FLRT2: variants seen among roughly 807,000 people sequenced by gnomAD.
FLRT2 encodes the protein leucine-rich repeat transmembrane protein FLRT2.
A neutral mutation model predicts 40.0 loss-of-function variants in FLRT2; 15 were observed. The ratio of observed to expected loss-of-function variants is 0.38; its 90% CI spans 0.25 to 0.58. FLRT2 has a LOEUF of 0.58. Among genes scored for constraint, FLRT2 ranks in the 20% least tolerant of loss-of-function variants. FLRT2 has a pLI of 0.71. For missense variants in FLRT2, 726 were observed against 840.0 expected, an observed-to-expected ratio of 0.86 and a Z score of 1.68; for synonymous variants, 380 against 336.8, an observed-to-expected ratio of 1.13 and a Z score of -1.41.
At chr14:85,600,549 G>A (rs1892339577) in intron 1 of FLRT2, among the ~76,000 whole-genome samples, 1 of 152,172 alleles carries the variant, frequency 6.6e-6, no homozygotes, top group Non-Finnish European at 1.5e-5. Context: ...GTTAGAGCTT[G>A]GGGAAAATAA....
In FLRT2 at chr14:85,653,970, T is replaced by C. The variant is rs966922808; in HGVS notation, c.*30473T>C. The C allele has an allele frequency of 1.3e-5, 2 of 152,214 alleles. No homozygotes were observed. Among genetic ancestry groups the C allele is most frequent in the African/African-American group, 4.8e-5 (2 of 41,460 alleles). The allele number at this position is 152,214 out of a possible 1,614,324, so 9.4% of individuals were successfully genotyped here. A position where few individuals can be genotyped will look rare whatever the true frequency, so the allele number is the denominator to read the frequency against. On this transcript the variant is annotated 3_prime_UTR_variant, in exon 2 of 2. Transcript: ENST00000330753. ...CTAACAGTACATGATTCCTAAATGC[T>C]ATTGCTCACCTCAAGTCAATGTCAC...
At chr14:85,610,099 T>C (rs1892794019) in intron 1 of FLRT2, among the ~76,000 whole-genome samples, 1 of 152,196 alleles carries the variant, frequency 6.6e-6, no homozygotes, top group Admixed American at 6.5e-5. Context: ...ATTAATTACA[T>C]GGCTGTCTTT....
rs1894204816 is a variant in FLRT2 at position 85,643,333 on chromosome 14, TTCTTTCTTTCTTTCTTTCTTTC to T, written c.*19838_*19859del. The T allele has an allele frequency of 8.5e-6, 1 of 117,630 alleles. No homozygotes were observed. Among genetic ancestry groups the T allele is most frequent in the African/African-American group, 3.5e-5 (1 of 28,402 alleles). 7.3% of individuals were successfully genotyped at this position (117,630 alleles called of 1,614,324 possible). A position where few individuals can be genotyped will look rare whatever the true frequency, so the allele number is the denominator to read the frequency against. On this transcript the variant is annotated 3_prime_UTR_variant, in exon 2 of 2. Coordinates refer to ENST00000330753, the MANE Select transcript of FLRT2 (RefSeq NM_013231.6). ...TTTCTTTCTTTCTTTCTTTCTTTCT[TTCTTTCTTTCTTTCTTTCTTTC>T]TTCCTTCCTTCCTTCCTTCCTTTCT...
chr14:85,619,587 C>T (rs1012124922), intron 1 of FLRT2, among the ~76,000 whole-genome samples: 1 of 152,142 alleles, frequency 6.6e-6, no homozygotes, highest in Non-Finnish European at 1.5e-5. Flanking sequence ...ACTTAAATAA[C>T]ATTTCCAGTG....
At chr14:85,614,889 C>T (rs1254769528) in intron 1 of FLRT2, among the ~76,000 whole-genome samples, 2 of 152,122 alleles carry the variant, frequency 1.3e-5, no homozygotes, top group African/African-American at 2.4e-5. Context: ...GAATTATATT[C>T]CTTTGAAATG....
At chr14:85,619,093 T>TA (rs1893267977) in intron 1 of FLRT2, among the ~76,000 whole-genome samples, 1 of 151,272 alleles carries the variant, frequency 6.6e-6, no homozygotes. Context: ...ACTTTTTTTT[T>TA]TTTTTTTTCT....
At chr14:85,590,484 T>G (rs1891832449) in intron 1 of FLRT2, among the ~76,000 whole-genome samples, 1 of 152,228 alleles carries the variant, frequency 6.6e-6, no homozygotes, top group Admixed American at 6.5e-5. Context: ...TCTTTGTGGG[T>G]ATAGTAAATT....
rs1894101516 is a variant in FLRT2, at chr14:85,639,735, C to A, written c.*16238C>A. The A allele has an allele frequency of 6.6e-6, 1 of 151,492 alleles. No individual in the cohort carries two copies. Among genetic ancestry groups the A allele is most frequent in the Non-Finnish European group, 1.5e-5 (1 of 67,958 alleles). The allele number at this position is 151,492 out of a possible 1,614,324, so 9.4% of individuals were successfully genotyped here. On this transcript the variant is annotated 3_prime_UTR_variant, in exon 2 of 2. Coordinates refer to ENST00000330753, the MANE Select transcript of FLRT2 (RefSeq NM_013231.6). ...CCAGAAAGGACTGGCTAAGCTCTTA[C>A]AATAAGTGATGGAATGAGCTTTGAA...
intron 1 of FLRT2, among the ~76,000 whole-genome samples, chr14:85,569,652 T>C (rs1890801107): frequency 6.6e-6 from 1 of 152,240 alleles, no homozygotes; most frequent in African/African-American, 2.4e-5. Context: ...ATGAGGTTTA[T>C]TTTGTCCCCT....
At chr14:85,571,967 C>G (rs1439645693) in intron 1 of FLRT2, among the ~76,000 whole-genome samples, 3 of 152,106 alleles carry the variant, frequency 2.0e-5, no homozygotes, top group Admixed American at 2.0e-4. Context: ...TTTTGGGGTC[C>G]AGAGCCTTGA....
At position 85,622,867 on chromosome 14, in the gene FLRT2, AC is replaced by A; in HGVS notation, c.1354del (p.Leu452SerfsTer4). On this transcript the variant is annotated frameshift_variant, in exon 2 of 2. Transcript: ENST00000330753. LOFTEE classifies it high-confidence loss of function. ...LSLFTVMAYK[L>X]TWVKMGHSLV... ...CTCTCTTCACCGTGATGGCATACAA[AC>A]TCACATGGGTGAAAATGGGCCACAG... 6.2e-7 allele frequency: 1 copy of A among 1,614,072 alleles called. No homozygotes were observed. Among genetic ancestry groups the A allele is most frequent in the Non-Finnish European group, 8.5e-7 (1 of 1,180,010 alleles).
rs1004693613 is a variant in FLRT2 at position 85,639,433 on chromosome 14, C to T, written c.*15936C>T. On this transcript the variant is annotated 3_prime_UTR_variant, in exon 2 of 2. Transcript: ENST00000330753. Reference sequence around the variant, plus strand: ...CAAAAAGAGGATGAGTATTAAAGGTCATTAGGCATTCAAGGTACCACATTT... The same window carrying T: ...CAAAAAGAGGATGAGTATTAAAGGTTATTAGGCATTCAAGGTACCACATTT... 2.0e-5 allele frequency: 3 copies of T among 152,102 alleles called. No homozygotes were observed. Among genetic ancestry groups the T allele is most frequent in the Admixed American group, 2.0e-4 (3 of 15,272 alleles). The allele number at this position is 152,102 out of a possible 1,614,324, so 9.4% of individuals were successfully genotyped here. A position where few individuals can be genotyped will look rare whatever the true frequency, so the allele number is the denominator to read the frequency against.
rs1349690287 is a variant in FLRT2, at chr14:85,650,539, A to G, written c.*27042A>G. Reference sequence around the variant, plus strand: ...TTCAATTTTCATTTTTAACTTTACTAAATACTGTAAAATTGTTCTCTGTGT... The same window carrying G: ...TTCAATTTTCATTTTTAACTTTACTGAATACTGTAAAATTGTTCTCTGTGT... On this transcript the variant is annotated 3_prime_UTR_variant, in exon 2 of 2. Transcript: ENST00000330753. The G allele has an allele frequency of 6.6e-6, 1 of 151,972 alleles. No individual in the cohort carries two copies. The highest frequency in any genetic ancestry group is 1.9e-4 in the East Asian group (1 of 5,170). The allele number at this position is 151,972 out of a possible 1,614,324, so 9.4% of individuals were successfully genotyped here. A position where few individuals can be genotyped will look rare whatever the true frequency, so the allele number is the denominator to read the frequency against.
intron 1 of FLRT2, chr14:85,559,479 G>C (rs1216949576): frequency 6.6e-6 from 1 of 152,178 alleles, no homozygotes; most frequent in Non-Finnish European, 1.5e-5. Flanking sequence ...GGTTCCAAAT[G>C]GTTCAGATGT....
At chr14:85,613,182 A>AT (rs1176281593) in intron 1 of FLRT2, among the ~76,000 whole-genome samples, 2 of 152,076 alleles carry the variant, frequency 1.3e-5, no homozygotes, top group Non-Finnish European at 2.9e-5. Context: ...AAAAATTCAT[A>AT]TTTTTTGTGA....
At chr14:85,530,575 G>C (rs1273953242) in intron 1 of FLRT2, 41 bp downstream of exon 1, 1 of 152,824 alleles carries the variant, frequency 6.5e-6, no homozygotes, top group Non-Finnish European at 1.5e-5. Flanking sequence ...TCCAGTAACC[G>C]GCCGAGCTGC....
rs551945723 is a variant in FLRT2, at chr14:85,569,941, G to T, written c.-377+39407G>T. On this transcript the variant is annotated intron_variant, in intron 1 of 1. Coordinates refer to ENST00000330753, the MANE Select transcript of FLRT2 (RefSeq NM_013231.6). ...TCTTAGTGGTATTTGTAAGATGTTG[G>T]TATGGCCATTTTGTCTACCACAGTG... Among the ~76,000 whole-genome samples, 4 of 152,276 alleles carry T rather than the reference G, an allele frequency of 2.6e-5. No homozygotes were observed. In the East Asian group the frequency reaches 7.7e-4, roughly 29 times the overall value.
chr14:85,603,715 A>G (rs1469562213), intron 1 of FLRT2, among the ~76,000 whole-genome samples: 2 of 151,988 alleles, frequency 1.3e-5, no homozygotes, highest in African/African-American at 4.8e-5. Context: ...CAAAAATACA[A>G]AAATCTGCCA....
rs892511021 is a variant in FLRT2 at position 85,641,668 on chromosome 14, G to C, written c.*18171G>C. On this transcript the variant is annotated 3_prime_UTR_variant, in exon 2 of 2. Transcript: ENST00000330753. Reference sequence around the variant, plus strand: ...TTATATTAAATACCTCTCCTGCTTTGAATAAATGGAATAATTTCTGTTTCC... The same window carrying C: ...TTATATTAAATACCTCTCCTGCTTTCAATAAATGGAATAATTTCTGTTTCC... 2 of 152,182 alleles carry C rather than the reference G, an allele frequency of 1.3e-5. No individual in the cohort carries two copies. The highest frequency in any genetic ancestry group is 4.8e-5 in the African/African-American group (2 of 41,452). 9.4% of individuals were successfully genotyped at this position (152,182 alleles called of 1,614,324 possible). A position where few individuals can be genotyped will look rare whatever the true frequency, so the allele number is the denominator to read the frequency against.
Sources: allele counts gnomAD v4.1 joint callset (sites outside exome capture counted in the v4.1 genomes callset), GRCh38; gene constraint gnomAD v4.1.1; transcripts MANE v1.5; gene names NCBI Gene and HGNC (gene_info 2026-07-23, HGNC 2026-07-21).